Variants in RFX1 observed in about 807,000 individuals in gnomAD.
RFX1 encodes MHC class II regulatory factor RFX1.
Under a neutral mutation model 119.6 loss-of-function variants are expected in RFX1, and 42 were observed. That is an observed-to-expected ratio of 0.35 (90% confidence interval 0.27 to 0.45). The LOEUF (loss-of-function observed/expected upper bound fraction) is 0.45. Ranked by LOEUF, RFX1 falls within the 20% of genes least tolerant of loss-of-function variation. The pLI is 1.00. For synonymous variants in RFX1, 628 were observed against 618.5 expected (o/e 1.02, Z -0.23); for missense variants, 1,118 against 1,368.1 (o/e 0.82, Z 2.88).
intron 6 of RFX1, 127 bp from the exon 7 acceptor site, chr19:13,979,669 G>A: frequency 1.9e-6 from 1 of 520,180 alleles, no homozygotes; most frequent in East Asian, 3.3e-5. Context: ...CCATTCTCCA[G>A]CCAAGCAAGG....
At chr19:14,000,627 T>G (rs929614907) in intron 1 of RFX1, among the ~76,000 whole-genome samples, 6 of 151,698 alleles carry the variant, frequency 4.0e-5, no homozygotes, top group Admixed American at 1.3e-4. Context: ...TGACGCCTTA[T>G]CTCTATAAAA....
rs1035231225 is a variant in RFX1, at chr19:13,977,888, C to T, written c.929+104G>A. On this transcript the variant is annotated intron_variant, in intron 8 of 20. Coordinates refer to ENST00000254325, the MANE Select transcript of RFX1 (RefSeq NM_002918.5). ...GTCTGTCACCTGAGGCCTTGAAGGC[C>T]GGATGGCCTGCTGGGGGCTGGGACT... 5.3e-5 allele frequency: 47 copies of T among 881,294 alleles called. No homozygotes were observed. In the Admixed American group the frequency reaches 7.2e-4, roughly 13 times the overall value. The allele number at this position is 881,294 out of a possible 1,614,324, so 54.6% of individuals were successfully genotyped here.
chr19:13,972,805 C>T lies in RFX1; in HGVS notation c.1252G>A (p.Gly418Ser), dbSNP rs897581651. ...SGAGTYVIQGGYMLGSASQSY... is the reference protein window; with the variant it reads ...SGAGTYVIQGSYMLGSASQSY... ...TGGCTGGCACTGCCCAGCATGTAGCCGCCTTGGATCACGTAGGTGCCTGCT... is the reference window on the plus strand; with the variant it reads ...TGGCTGGCACTGCCCAGCATGTAGCTGCCTTGGATCACGTAGGTGCCTGCT... The change falls in exon 9 of 21, where the codon GGC becomes AGC. Residue 418 changes from glycine (G) to serine (S), a missense_variant. This residue lies in a region of RFX1 where 542 missense variants were observed against 602.7 expected (regional missense o/e 0.90). Transcript: ENST00000254325. 41 of 1,607,826 alleles carry T rather than the reference C, an allele frequency of 2.6e-5. No homozygotes were observed. Among genetic ancestry groups the T allele is most frequent in the South Asian group, 5.5e-5 (5 of 90,536 alleles).
Position 13,968,538 on chromosome 19 carries a change from G to A in RFX1, c.1732+27C>T. On this transcript the variant is annotated intron_variant, in intron 12 of 20. Coordinates refer to ENST00000254325, the MANE Select transcript of RFX1 (RefSeq NM_002918.5). The surrounding 1 kb of genome is among the most constrained non-coding windows in gnomAD (Gnocchi z 5.5). Reference sequence around the variant, plus strand: ...GCACGGGGCAGGGAGGCGGTGGTTGGGGAAGCACGGGCCAGGGAGCTCTCA... The same window carrying A: ...GCACGGGGCAGGGAGGCGGTGGTTGAGGAAGCACGGGCCAGGGAGCTCTCA... 6.4e-7 allele frequency: 1 copy of A among 1,568,926 alleles called. No homozygotes were observed. Among genetic ancestry groups the A allele is most frequent in the African/African-American group, 1.3e-5 (1 of 74,142 alleles).
chr19:13,974,087 A>G (rs1432528992), intron 8 of RFX1, among the ~76,000 whole-genome samples: 1 of 152,212 alleles, frequency 6.6e-6, no homozygotes, highest in Non-Finnish European at 1.5e-5. Context: ...AGCAATGGAC[A>G]AGAATGAAAA....
intron 9 of RFX1, among the ~76,000 whole-genome samples, chr19:13,971,049 T>C (rs28699415): frequency 0.065 from 9,862 of 150,672 alleles, 1,075 homozygotes; most frequent in African/African-American, 0.22. Context: ...AATCAAATTT[T>C]CAAGCCAGGA....
intron 20 of RFX1, 42 bp from the exon 21 acceptor site, chr19:13,962,906 A>G: frequency 3.9e-6 from 6 of 1,538,128 alleles, no homozygotes; most frequent in Non-Finnish European, 5.3e-6. Flanking sequence ...CGGGGTGGCA[A>G]CGCCCCCGGG....
intron 2 of RFX1, among the ~76,000 whole-genome samples, chr19:13,989,049 T>C (rs972140053): frequency 6.7e-6 from 1 of 149,798 alleles, no homozygotes; most frequent in African/African-American, 2.5e-5. Context: ...AGACAGAGAG[T>C]GAGCAATGGG....
chr19:13,968,046 G>C lies in RFX1; in HGVS notation c.1732+519C>G, dbSNP rs1344629049. ...AGGTGGGAGGATCACTTCAGGTCAGGAGTTCGAGACCAGCCTAGCCAAGAT... is the reference window on the plus strand; with the variant it reads ...AGGTGGGAGGATCACTTCAGGTCAGCAGTTCGAGACCAGCCTAGCCAAGAT... On this transcript the variant is annotated intron_variant, in intron 12 of 20. Transcript: ENST00000254325. The surrounding 1 kb of genome is among the most constrained non-coding windows in gnomAD (Gnocchi z 5.5). Among the ~76,000 whole-genome samples the C allele has an allele frequency of 6.6e-6, 1 of 152,048 alleles. No individual in the cohort carries two copies. Among genetic ancestry groups the C allele is most frequent in the Non-Finnish European group, 1.5e-5 (1 of 68,008 alleles).
rs1054300555 is a variant in RFX1, at chr19:14,006,163, G to C, written c.-113C>G. ...TTTCGGAGGTCTCGGAGTCGATGTTGGGAAGGGGACGGGACGTGCTGGGGT... is the reference window on the plus strand; with the variant it reads ...TTTCGGAGGTCTCGGAGTCGATGTTCGGAAGGGGACGGGACGTGCTGGGGT... On this transcript the variant is annotated 5_prime_UTR_variant, in exon 1 of 21. Coordinates refer to ENST00000254325, the MANE Select transcript of RFX1 (RefSeq NM_002918.5). 2 of 152,202 alleles carry C rather than the reference G, an allele frequency of 1.3e-5. No individual in the cohort carries two copies. Among genetic ancestry groups the C allele is most frequent in the African/African-American group, 4.8e-5 (2 of 41,432 alleles). The allele number at this position is 152,202 out of a possible 1,614,324, so 9.4% of individuals were successfully genotyped here.
Position 13,972,752 on chromosome 19 carries a change from C to A in RFX1, c.1305G>T (p.Ser435=), listed in dbSNP as rs765134074. 1 of 1,594,178 alleles carries A rather than the reference C, an allele frequency of 6.3e-7. No individual in the cohort carries two copies. Among genetic ancestry groups the A allele is most frequent in the South Asian group, 1.1e-5 (1 of 88,830 alleles). Residue 435 remains serine (S), a synonymous_variant, in exon 9 of 21, where the codon TCG becomes TCT. Coordinates refer to ENST00000254325, the MANE Select transcript of RFX1 (RefSeq NM_002918.5). The part of the protein sequence containing the change: ...SQSYSHTTRA[S]PATVQWLLDN... Reference sequence around the variant, plus strand: ...GCGTTGGGGCACTTACCGTGGCTGGCGAGGCACGGGTGGTGTGAGAGTAAG... The same window carrying A: ...GCGTTGGGGCACTTACCGTGGCTGGAGAGGCACGGGTGGTGTGAGAGTAAG...
In RFX1 at chr19:13,986,100, G is replaced by A. The variant is rs1452352959; in HGVS notation, c.320-2505C>T. ...GCCCTTGCTGAGAGGGCCCCTCCTG[G>A]GAGAAACCCGAGACAGCCCCGAGTC... On this transcript the variant is annotated intron_variant, in intron 2 of 20. Transcript: ENST00000254325. The surrounding 1 kb of genome is among the most constrained non-coding windows in gnomAD (Gnocchi z 4.2). 1.3e-5 allele frequency among the ~76,000 whole-genome samples: 2 copies of A among 152,222 alleles called. No individual in the cohort carries two copies. The highest frequency in any genetic ancestry group is 2.9e-5 in the Non-Finnish European group (2 of 68,030).
intron 1 of RFX1, among the ~76,000 whole-genome samples, chr19:14,002,516 A>G (rs1011236400): frequency 6.6e-6 from 1 of 152,112 alleles, no homozygotes. Context: ...AAGAAAAAAG[A>G]AAAGAAAACT....
rs542733360 is a variant in RFX1 at position 13,992,560 on chromosome 19, G to C, written c.319+965C>G. 1.4e-3 allele frequency among the ~76,000 whole-genome samples: 217 copies of C among 152,324 alleles called. 1 individual carries two copies. Among genetic ancestry groups the C allele is most frequent in the African/African-American group, 5.1e-3 (212 of 41,572 alleles). ...TCCTGCCCAAAACAACAGGGCGGCT[G>C]CTCTAGGAAGGGGAGGTGACATGTC... On this transcript the variant is annotated intron_variant, in intron 2 of 20. Transcript: ENST00000254325.
chr19:13,966,355 C>T lies in RFX1; in HGVS notation c.1961+66G>A. 1 of 1,056,056 alleles carries T rather than the reference C, an allele frequency of 9.5e-7. No homozygotes were observed. The highest frequency in any genetic ancestry group is 1.3e-5 in the South Asian group (1 of 75,864). The allele number at this position is 1,056,056 out of a possible 1,614,324, so 65.4% of individuals were successfully genotyped here. On this transcript the variant is annotated intron_variant, in intron 14 of 20. Coordinates refer to ENST00000254325, the MANE Select transcript of RFX1 (RefSeq NM_002918.5). This position sits in a 1 kb window ranked among gnomAD's most constrained non-coding sequence, Gnocchi z 6.3. ...AAGCAGGTGCCCCAACCCTGGCCAT[C>T]AAAATCACCTGCGGGTCATGCCCTC...
At chr19:13,997,382 CAT>C (rs1975071471) in intron 1 of RFX1, among the ~76,000 whole-genome samples, 1 of 152,188 alleles carries the variant, frequency 6.6e-6, no homozygotes, top group East Asian at 1.9e-4. Context: ...CCTACGGCTC[CAT>C]CTGTGAAATG....
Position 13,962,749 on chromosome 19 carries a change from C to T in RFX1, c.2886G>A (p.Lys962=). ...LGPETLEPPA[K]LARTDARGLF... is the part of the protein sequence containing the mutation. The stretch of plus-strand genomic sequence containing the variant: ...GGCCGCGCGCGTCAGTCCGCGCCAG[C>T]TTGGCCGGCGGCTCCAGGGTCTCCG... The change falls in exon 21 of 21, where the codon AAG becomes AAA. Residue 962 remains lysine (K), a synonymous_variant. Coordinates refer to ENST00000254325, the MANE Select transcript of RFX1 (RefSeq NM_002918.5). 1 of 1,530,782 alleles carries T rather than the reference C, an allele frequency of 6.5e-7. No homozygotes were observed. The highest frequency in any genetic ancestry group is 1.2e-5 in the South Asian group (1 of 83,590). The allele number at this position is 1,530,782 out of a possible 1,614,324, so 94.8% of individuals were successfully genotyped here. A position where few individuals can be genotyped will look rare whatever the true frequency, so the allele number is the denominator to read the frequency against.
At chr19:14,004,380 C>T (rs116167680) in intron 1 of RFX1, among the ~76,000 whole-genome samples, 1,631 of 152,260 alleles carry the variant, frequency 0.011, 29 homozygotes, top group African/African-American at 0.037. Flanking sequence ...TGATGGCGAG[C>T]GCCTGTAGTC....
rs568699942 is a variant in RFX1, at chr19:13,993,512, G to A, written c.319+13C>T. Reference sequence around the variant, plus strand: ...TGAGAGGAGTTTTCAGGACACACGAGCGCGGCACTTACCAGAGACAGTGAC... The same window carrying A: ...TGAGAGGAGTTTTCAGGACACACGAACGCGGCACTTACCAGAGACAGTGAC... On this transcript the variant is annotated intron_variant, in intron 2 of 20. Coordinates refer to ENST00000254325, the MANE Select transcript of RFX1 (RefSeq NM_002918.5). 112 of 1,606,592 alleles carry A rather than the reference G, an allele frequency of 7.0e-5. No individual in the cohort carries two copies. Among genetic ancestry groups the A allele is most frequent in the Non-Finnish European group, 8.8e-5 (104 of 1,176,126 alleles).
Sources: allele counts gnomAD v4.1 joint callset (sites outside exome capture counted in the v4.1 genomes callset), GRCh38; gene constraint gnomAD v4.1.1; regional missense constraint gnomAD v4.1.1; non-coding constraint Gnocchi (gnomAD v3.1); transcripts MANE v1.5; gene names NCBI Gene and HGNC (gene_info 2026-07-23, HGNC 2026-07-21).